Variants in HMCN1 observed in about 807,000 individuals in gnomAD.
The protein encoded by HMCN1 is hemicentin-1.
Under a neutral mutation model 625.9 loss-of-function variants are expected in HMCN1, and 321 were observed. That is an observed-to-expected ratio of 0.51 (90% CI 0.47 to 0.56). HMCN1 has a LOEUF of 0.56. HMCN1 is among the 20% of genes least tolerant of loss of function. The pLI is 0.00. For synonymous variants in HMCN1, 2,425 were observed against 2,417.6 expected (o/e 1.00, Z -0.09); for missense variants, 6,588 against 6,887.3 (o/e 0.96, Z 1.54).
intron 1 of HMCN1, among the ~76,000 whole-genome samples, chr1:185,815,833 T>A (rs904114482): frequency 6.7e-6 from 1 of 150,276 alleles, no homozygotes; most frequent in African/African-American, 2.5e-5. Context: ...CTAAAATATT[T>A]ACTATATTGC....
At chr1:185,784,360 T>C (rs1657400273) in intron 1 of HMCN1, among the ~76,000 whole-genome samples, 1 of 152,154 alleles carries the variant, frequency 6.6e-6, no homozygotes, top group Admixed American at 6.5e-5. Context: ...CCCACTGTCC[T>C]GTACCCACTG....
chr1:185,773,134 T>C (rs1009503667), intron 1 of HMCN1, among the ~76,000 whole-genome samples: 2 of 152,162 alleles, frequency 1.3e-5, no homozygotes, highest in Admixed American at 6.6e-5. Flanking sequence ...TGATTCTCCA[T>C]TGGGAATGGT....
At chr1:186,110,977 C>CTTTTTTGTTTTTTTTTTTTTTT (rs1660848555) in intron 71 of HMCN1, among the ~76,000 whole-genome samples, 1 of 61,648 alleles carries the variant, frequency 1.6e-5, no homozygotes, top group Non-Finnish European at 2.7e-5. Context: ...AGAGAAAATT[C>CTTTTTTGTTTTTTTTTTTTTTT]TTTTTTTTTT....
rs753147471 is a variant in HMCN1 at position 186,108,443 on chromosome 1, A to G, written c.10853-18A>G. ...TGATAATACAGATTGCTTTTGTTGTATTTGTTCTCACACCCAGTACCTCCT... is the reference window on the plus strand; with the variant it reads ...TGATAATACAGATTGCTTTTGTTGTGTTTGTTCTCACACCCAGTACCTCCT... On this transcript the variant is annotated intron_variant, in intron 70 of 106. Transcript: ENST00000271588. 5 of 1,614,016 alleles carry G rather than the reference A, an allele frequency of 3.1e-6. No individual in the cohort carries two copies. In the Admixed American group the frequency reaches 8.3e-5, roughly 27 times the overall value.
chr1:185,946,479 TTTCTA>T (rs1225162597), intron 11 of HMCN1, among the ~76,000 whole-genome samples: 1 of 152,200 alleles, frequency 6.6e-6, no homozygotes, highest in Non-Finnish European at 1.5e-5. Flanking sequence ...TTGCCACTCT[TTTCTA>T]AGCCAAATGG....
intron 15 of HMCN1, among the ~76,000 whole-genome samples, chr1:185,971,282 A>C (rs1313406779): frequency 6.6e-6 from 1 of 152,208 alleles, no homozygotes; most frequent in East Asian, 1.9e-4. Flanking sequence ...AATAGCAATT[A>C]CTCTTCAGTG....
At position 186,189,887 on chromosome 1, in the gene HMCN1, C is replaced by G. The variant is rs765223486; in HGVS notation, c.*9C>G. ...CCGCCTATCCATACTAAGGAACTCT[C>G]CAAAGCCTATTCCACATATTTAAAC... On this transcript the variant is annotated 3_prime_UTR_variant, in exon 107 of 107. Coordinates refer to ENST00000271588, the MANE Select transcript of HMCN1 (RefSeq NM_031935.3). 25 of 1,612,954 alleles carry G rather than the reference C, an allele frequency of 1.5e-5. No individual in the cohort carries two copies. The highest frequency in any genetic ancestry group is 4.0e-5 in the African/African-American group (3 of 74,892).
chr1:186,110,491 T>C (rs1660824575), intron 71 of HMCN1, among the ~76,000 whole-genome samples: 3 of 152,208 alleles, frequency 2.0e-5, no homozygotes, highest in Admixed American at 2.0e-4. Flanking sequence ...ATCCATTAGC[T>C]TTGGCAATAC....
At chr1:186,164,141 C>G (rs1016754159) in intron 97 of HMCN1, among the ~76,000 whole-genome samples, 1 of 152,146 alleles carries the variant, frequency 6.6e-6, no homozygotes, top group Non-Finnish European at 1.5e-5. Flanking sequence ...CTAGTACCAC[C>G]CCCCTGCATG....
chr1:186,096,039 G>C (rs1324790132), intron 68 of HMCN1, among the ~76,000 whole-genome samples: 1 of 152,090 alleles, frequency 6.6e-6, no homozygotes, highest in Non-Finnish European at 1.5e-5. Flanking sequence ...TCTTTTCCTT[G>C]AAGTAAAAAA....
intron 1 of HMCN1, among the ~76,000 whole-genome samples, chr1:185,760,775 A>G (rs143947089): frequency 1.2e-4 from 19 of 152,336 alleles, no homozygotes; most frequent in African/African-American, 4.6e-4. Flanking sequence ...ATTAGTATGC[A>G]TCAGGCACCA....
intron 54 of HMCN1, among the ~76,000 whole-genome samples, chr1:186,077,102 C>G (rs771590468): frequency 1.4e-4 from 21 of 152,038 alleles, no homozygotes; most frequent in Non-Finnish European, 2.5e-4. Flanking sequence ...ATTTTCAAGG[C>G]TTCTATTTAA....
rs753628392 is a variant in HMCN1, at chr1:186,178,484, A to G, written c.16012A>G (p.Lys5338Glu). 1 of 1,614,064 alleles carries G rather than the reference A, an allele frequency of 6.2e-7. No individual in the cohort carries two copies. Among genetic ancestry groups the G allele is most frequent in the African/African-American group, 1.3e-5 (1 of 75,016 alleles). ...GTGCTCCAACACCCCCGGCAGCTTC[A>G]AGTGTATCTGTCCACCAGGACAACA... is the stretch of plus-strand genomic sequence containing the variant. Reference protein sequence around the residue: ...HQCSNTPGSFKCICPPGQHLL... With the variant: ...HQCSNTPGSFECICPPGQHLL... Residue 5338 changes from lysine (K) to glutamate (E), a missense_variant, in exon 104 of 107, where the codon AAG becomes GAG. Transcript: ENST00000271588.
At chr1:185,938,006 G>A (rs1484153545) in intron 11 of HMCN1, among the ~76,000 whole-genome samples, 1 of 151,196 alleles carries the variant, frequency 6.6e-6, no homozygotes, top group African/African-American at 2.4e-5. Flanking sequence ...TGTAATAGAG[G>A]CACTAAAGAG....
At chr1:185,970,998 C>T (rs568948168) in intron 15 of HMCN1, among the ~76,000 whole-genome samples, 5 of 152,146 alleles carry the variant, frequency 3.3e-5, no homozygotes, top group South Asian at 2.1e-4. Flanking sequence ...AAAATTTATA[C>T]GGAAAGATCC....
rs1466797925 is a variant in HMCN1, at chr1:185,963,198, AAAC to A, written c.1970+545_1970+547del. On this transcript the variant is annotated intron_variant, in intron 12 of 106. Coordinates refer to ENST00000271588, the MANE Select transcript of HMCN1 (RefSeq NM_031935.3). ...ACAGTATAATAAACACGTGGAATAT[AAAC>A]AACAAAGTATCCAGCCATGGGGCTT... 2.6e-5 allele frequency among the ~76,000 whole-genome samples: 4 copies of A among 152,260 alleles called. No individual in the cohort carries two copies. The East Asian group carries it at 5.8e-4, about 22-fold the overall frequency.
At chr1:185,982,186 T>C (rs1280572708) in intron 17 of HMCN1, 76 bp from the exon 18 acceptor site, 8 of 1,392,200 alleles carry the variant, frequency 5.7e-6, no homozygotes, top group Non-Finnish European at 8.2e-6. Context: ...CTAACAGTCT[T>C]TGGGGCCTGT....
At position 186,057,350 on chromosome 1, in the gene HMCN1, T is replaced by C; in HGVS notation, c.7261T>C (p.Phe2421Leu). Residue 2421 changes from phenylalanine to leucine, a missense_variant, in exon 46 of 107, where the codon TTC becomes CTC. Phe to Leu is a conservative substitution (Grantham distance 22, BLOSUM62 0). Transcript: ENST00000271588. ...SGIPLPSITWFKDGWPVSLSN... is the reference protein window; with the variant it reads ...SGIPLPSITWLKDGWPVSLSN... ...AATTCCCCTGCCTTCCATAACCTGG[T>C]TCAAAGATGGGTGGCCTGTCAGCCT... 6.2e-7 allele frequency: 1 copy of C among 1,611,104 alleles called. No individual in the cohort carries two copies. Among genetic ancestry groups the C allele is most frequent in the South Asian group, 1.1e-5 (1 of 91,022 alleles).
chr1:185,923,489 CTA>C lies in HMCN1; in HGVS notation c.1123_1124del (p.Ile375SerfsTer3). The C allele has an allele frequency of 6.2e-7, 1 of 1,610,728 alleles. No homozygotes were observed. Among genetic ancestry groups the C allele is most frequent in the Non-Finnish European group, 8.5e-7 (1 of 1,177,324 alleles). On this transcript the variant is annotated frameshift_variant, in exon 8 of 107. Transcript: ENST00000271588. LOFTEE classifies it high-confidence loss of function. ...AGTATCTCAGGAAGTTCTCTTAAGA[CTA>C]TTCCTGTTAAATATTACCCACATCG... is the stretch of plus-strand genomic sequence containing the variant.
Sources: allele counts gnomAD v4.1 joint callset (sites outside exome capture counted in the v4.1 genomes callset), GRCh38; gene constraint gnomAD v4.1.1; transcripts MANE v1.5; gene names NCBI Gene and HGNC (gene_info 2026-07-23, HGNC 2026-07-21).